Variants in IQGAP1 observed in about 807,000 individuals in gnomAD.
The protein encoded by IQGAP1 is IQ motif containing GTPase activating protein 1, also known as ras GTPase-activating-like protein IQGAP1.
In IQGAP1, 66 loss-of-function variants were observed where a neutral mutation model predicts 215.6. The ratio of observed to expected loss-of-function variants is 0.31; its 90% CI spans 0.25 to 0.38. The LOEUF is 0.38. Ranked by LOEUF, IQGAP1 falls within the 10% of genes least tolerant of loss-of-function variation. The pLI, the probability that IQGAP1 is intolerant of heterozygous loss-of-function variation, is 1.00. For synonymous variants in IQGAP1, 772 were observed against 728.7 expected (o/e 1.06, Z -0.96); for missense variants, 1,712 against 1,997.1 (o/e 0.86, Z 2.72).
chr15:90,441,437 T>C, intron 7 of IQGAP1, 69 bp from the exon 8 acceptor site: 4 of 1,356,542 alleles, frequency 2.9e-6, no homozygotes, highest in Middle Eastern at 1.9e-4. Flanking sequence ...CTTTCTGTTG[T>C]GATATACATC....
intron 9 of IQGAP1, among the ~76,000 whole-genome samples, chr15:90,444,277 G>A (rs868802518): frequency 8.1e-5 from 9 of 111,056 alleles, no homozygotes; most frequent in Non-Finnish European, 1.2e-4. Flanking sequence ...GTGTGTGTGT[G>A]TGTATATATA....
At chr15:90,389,791 A>T (rs890095139) in intron 1 of IQGAP1, among the ~76,000 whole-genome samples, 21 of 130,200 alleles carry the variant, frequency 1.6e-4, no homozygotes, top group Non-Finnish European at 3.1e-4. Context: ...TCCATCTCTT[A>T]AAAAAAAAAA....
Position 90,452,902 on chromosome 15 carries a change from G to A in IQGAP1, c.1290G>A (p.Gln430=). The part of the protein sequence containing the change: ...QVYPFAADLY[Q]KELATLQRQS... The stretch of plus-strand genomic sequence containing the variant: ...ATCCATTTGCCGCCGATCTCTATCA[G>A]AAGGAGCTGGCTACCCTGCAGCGAC... Residue 430 remains glutamine, a synonymous_variant, in exon 12 of 38, where the codon CAG becomes CAA. Transcript: ENST00000268182. 6.2e-7 allele frequency: 1 copy of A among 1,614,066 alleles called. No homozygotes were observed. The highest frequency in any genetic ancestry group is 1.3e-5 in the African/African-American group (1 of 75,040).
At chr15:90,491,011 G>T (rs1294353105) in intron 33 of IQGAP1, among the ~76,000 whole-genome samples, 1 of 152,100 alleles carries the variant, frequency 6.6e-6, no homozygotes, top group Non-Finnish European at 1.5e-5. Flanking sequence ...CGGTTTCACC[G>T]TGTTAGTCAG....
intron 15 of IQGAP1, among the ~76,000 whole-genome samples, chr15:90,461,425 C>T (rs1463102419): frequency 6.6e-6 from 1 of 152,190 alleles, no homozygotes; most frequent in Non-Finnish European, 1.5e-5. Flanking sequence ...CGTTTCTCTT[C>T]ATTAAATTTA....
chr15:90,497,002 T>C (rs573480034), intron 36 of IQGAP1: 1 of 376,764 alleles, frequency 2.7e-6, no homozygotes, highest in Non-Finnish European at 4.8e-6. Flanking sequence ...TTTGATAGGA[T>C]GTAAGTGCTG....
chr15:90,447,026 A>G lies in IQGAP1; in HGVS notation c.914-1547A>G, dbSNP rs920433695. Among the ~76,000 whole-genome samples, 3 of 152,216 alleles carry G rather than the reference A, an allele frequency of 2.0e-5. 1 individual carries two copies. In the East Asian group the frequency reaches 5.8e-4, roughly 29 times the overall value. Reference sequence around the variant, plus strand: ...GACTCTATGCTATATACCTAGAGAAAGTCTAGTTTGTTATCTACATTGATT... The same window carrying G: ...GACTCTATGCTATATACCTAGAGAAGGTCTAGTTTGTTATCTACATTGATT... On this transcript the variant is annotated intron_variant, in intron 9 of 37. Coordinates refer to ENST00000268182, the MANE Select transcript of IQGAP1 (RefSeq NM_003870.4).
chr15:90,487,085 C>T lies in IQGAP1; in HGVS notation c.4156C>T (p.Leu1386=), dbSNP rs775140593. 3.1e-6 allele frequency: 5 copies of T among 1,613,814 alleles called. No individual in the cohort carries two copies. The African/African-American group carries it at 5.3e-5, about 17-fold the overall frequency. Residue 1386 remains leucine (L), a synonymous_variant, in exon 32 of 38, where the codon CTG becomes TTG. Transcript: ENST00000268182. The part of the protein sequence containing the change: ...NAEMDARTIL[L]NTKRLIVDVI... ...AGAAATGGATGCTCGAACCATCTTA[C>T]TGAAGTGAGTATCAAAAGAAGGAAG...
At chr15:90,463,540 C>G (rs2151028070) in intron 15 of IQGAP1, among the ~76,000 whole-genome samples, 1 of 152,302 alleles carries the variant, frequency 6.6e-6, no homozygotes, top group African/African-American at 2.4e-5. Context: ...CACATTGGAA[C>G]TATTGTCTAG....
At chr15:90,391,015 C>T in intron 2 of IQGAP1, 142 bp downstream of exon 2, 1 of 589,964 alleles carries the variant, frequency 1.7e-6, no homozygotes. Flanking sequence ...GGGGGGGAAT[C>T]ACTTGAACCC....
intron 35 of IQGAP1, among the ~76,000 whole-genome samples, chr15:90,492,966 G>GGGGC (rs1361115074): frequency 5.3e-5 from 8 of 152,146 alleles, no homozygotes; most frequent in Non-Finnish European, 1.2e-4. Flanking sequence ...CTTGGGGCCT[G>GGGGC]TCAAGGTGGC....
In IQGAP1 at chr15:90,467,514, G is replaced by A; in HGVS notation, c.2100G>A (p.Leu700=). Residue 700 remains leucine, a synonymous_variant, in exon 18 of 38, where the codon CTG becomes CTA. Transcript: ENST00000268182. The part of the protein sequence containing the change: ...VKGGYYYYHN[L]ETQEGGWDEP... ...GTGGATATTATTATTACCACAATCT[G>A]GAGACCCAGGAAGGAGGATGGGATG... 1 of 1,612,896 alleles carries A rather than the reference G, an allele frequency of 6.2e-7. No homozygotes were observed. The highest frequency in any genetic ancestry group is 8.5e-7 in the Non-Finnish European group (1 of 1,179,428).
chr15:90,459,153 AGTT>A (rs376498822), intron 15 of IQGAP1, among the ~76,000 whole-genome samples: 53 of 152,296 alleles, frequency 3.5e-4, no homozygotes, highest in African/African-American at 1.1e-3. Flanking sequence ...GGTTCTATCC[AGTT>A]GTTGTTACTT....
At chr15:90,388,692 G>A (rs1404858959) in intron 1 of IQGAP1, among the ~76,000 whole-genome samples, 1 of 152,146 alleles carries the variant, frequency 6.6e-6, no homozygotes, top group African/African-American at 2.4e-5. Flanking sequence ...GATTGGGGAA[G>A]ACGGCCTAGA....
chr15:90,447,012 A>G lies in IQGAP1; in HGVS notation c.914-1561A>G, dbSNP rs560989570. Among the ~76,000 whole-genome samples, 220 of 152,338 alleles carry G rather than the reference A, an allele frequency of 1.4e-3. 2 individuals are homozygous for G. Among genetic ancestry groups the G allele is most frequent in the Non-Finnish European group, 1.1e-3 (73 of 68,028 alleles). The stretch of plus-strand genomic sequence containing the variant: ...GATAGATAATCTAAGACTCTATGCT[A>G]TATACCTAGAGAAAGTCTAGTTTGT... On this transcript the variant is annotated intron_variant, in intron 9 of 37. Transcript: ENST00000268182.
At chr15:90,403,094 GA>G (rs1327459544) in intron 2 of IQGAP1, among the ~76,000 whole-genome samples, 2 of 152,066 alleles carry the variant, frequency 1.3e-5, no homozygotes, top group African/African-American at 2.4e-5. Context: ...AACATATTAA[GA>G]CCCTGTCTCT....
At chr15:90,464,939 C>T (rs1965810483) in intron 15 of IQGAP1, among the ~76,000 whole-genome samples, 1 of 152,024 alleles carries the variant, frequency 6.6e-6, no homozygotes. Flanking sequence ...AAATGGTCAC[C>T]AATAAGCGCC....
chr15:90,448,515 T>G lies in IQGAP1; in HGVS notation c.914-58T>G, dbSNP rs533340762. The G allele has an allele frequency of 1.3e-5, 19 of 1,439,900 alleles. No homozygotes were observed. In the Admixed American group the frequency reaches 3.9e-4, roughly 29 times the overall value. The allele number at this position is 1,439,900 out of a possible 1,614,324, so 89.2% of individuals were successfully genotyped here. A position where few individuals can be genotyped will look rare whatever the true frequency, so the allele number is the denominator to read the frequency against. On this transcript the variant is annotated intron_variant, in intron 9 of 37. Transcript: ENST00000268182. Reference sequence around the variant, plus strand: ...GAGATTGGTTTTGGGGAAGGAAAACTATTCTAGGCTCTTCTGTTAACATAG... The same window carrying G: ...GAGATTGGTTTTGGGGAAGGAAAACGATTCTAGGCTCTTCTGTTAACATAG...
intron 33 of IQGAP1, among the ~76,000 whole-genome samples, chr15:90,489,353 CTT>C (rs1479322646): frequency 2.0e-5 from 3 of 152,094 alleles, no homozygotes; most frequent in African/African-American, 7.2e-5. Flanking sequence ...GTCTCAAACT[CTT>C]GACCTCAAAT....
Sources: allele counts gnomAD v4.1 joint callset (sites outside exome capture counted in the v4.1 genomes callset), GRCh38; gene constraint gnomAD v4.1.1; transcripts MANE v1.5; gene names NCBI Gene and HGNC (gene_info 2026-07-23, HGNC 2026-07-21).